Variants in CNTNAP2 observed in about 807,000 individuals in gnomAD.
The protein encoded by CNTNAP2 is contactin associated protein 2.
A neutral mutation model predicts 155.2 loss-of-function variants in CNTNAP2; 98 were observed. The observed-to-expected ratio is 0.63, with a 90% CI of 0.54 to 0.75. The LOEUF is 0.75. Ranked by LOEUF, CNTNAP2 falls within the 30% of genes least tolerant of loss-of-function variation. The pLI, the probability that CNTNAP2 is intolerant of heterozygous loss-of-function variation, is 0.00. For missense variants in CNTNAP2, 1,727 were observed against 1,688.1 expected (o/e 1.02, Z -0.40); for synonymous variants, 651 against 631.2 (o/e 1.03, Z -0.47).
chr7:148,106,493 G>GAT (rs10532740), intron 15 of CNTNAP2, among the ~76,000 whole-genome samples: 1,559 of 124,868 alleles, frequency 0.012, 25 homozygotes, highest in African/African-American at 0.022. Flanking sequence ...CACACTTTGA[G>GAT]ATATATATAT....
chr7:148,288,400 C>T (rs904033811), intron 21 of CNTNAP2, among the ~76,000 whole-genome samples: 7 of 152,082 alleles, frequency 4.6e-5, no homozygotes, highest in African/African-American at 1.2e-4. Flanking sequence ...CGCCCCGCCT[C>T]TCTTCCTCTT....
intron 13 of CNTNAP2, among the ~76,000 whole-genome samples, chr7:147,676,346 G>GGCAA (rs1176056461): frequency 1.3e-5 from 2 of 151,840 alleles, no homozygotes; most frequent in Non-Finnish European, 2.9e-5. Context: ...CAGTAACCAT[G>GGCAA]GCAACACAAA....
At chr7:148,070,162 A>G (rs1412270972) in intron 15 of CNTNAP2, among the ~76,000 whole-genome samples, 1 of 152,252 alleles carries the variant, frequency 6.6e-6, no homozygotes, top group African/African-American at 2.4e-5. Context: ...AGTCCACAAC[A>G]TAATAAAAGT....
intron 15 of CNTNAP2, among the ~76,000 whole-genome samples, chr7:148,048,984 G>C (rs2116491331): frequency 6.6e-6 from 1 of 152,310 alleles, no homozygotes; most frequent in South Asian, 2.1e-4. Context: ...GGCCGAGGCT[G>C]GTGGATCACC....
At chr7:147,013,239 A>G (rs1321090159) in intron 3 of CNTNAP2, among the ~76,000 whole-genome samples, 2 of 152,110 alleles carry the variant, frequency 1.3e-5, no homozygotes, top group African/African-American at 4.8e-5. Context: ...CCATTTTGCT[A>G]GTCACTGAGA....
At chr7:147,301,065 C>T (rs1025158607) in intron 9 of CNTNAP2, among the ~76,000 whole-genome samples, 1 of 152,086 alleles carries the variant, frequency 6.6e-6, no homozygotes, top group Non-Finnish European at 1.5e-5. Flanking sequence ...ATCCCGTCCA[C>T]AGTTAAAGGA....
intron 1 of CNTNAP2, among the ~76,000 whole-genome samples, chr7:146,286,020 GTGTC>G (rs1480935789): frequency 2.9e-5 from 3 of 105,018 alleles, no homozygotes; most frequent in African/African-American, 4.0e-5. Context: ...GTGTGTGTGT[GTGTC>G]TCTGCCTGTC....
chr7:146,451,317 A>G (rs1477861436), intron 1 of CNTNAP2, among the ~76,000 whole-genome samples: 1 of 152,166 alleles, frequency 6.6e-6, no homozygotes, highest in Non-Finnish European at 1.5e-5. Context: ...TAGAGAATCT[A>G]TGCCCAATAA....
At chr7:146,992,991 G>A (rs1393526854) in intron 3 of CNTNAP2, among the ~76,000 whole-genome samples, 1 of 152,190 alleles carries the variant, frequency 6.6e-6, no homozygotes, top group African/African-American at 2.4e-5. Context: ...GTTACCAGCA[G>A]TGAATCCGTA....
At chr7:148,409,965 G>T (rs369505461) in intron 23 of CNTNAP2, among the ~76,000 whole-genome samples, 1 of 88,928 alleles carries the variant, frequency 1.1e-5, no homozygotes, top group Non-Finnish European at 2.4e-5. Context: ...GCAGGAGAAT[G>T]GCGTGAACCT....
Position 148,357,236 on chromosome 7 carries a change from G to A in CNTNAP2, c.3476-26413G>A, listed in dbSNP as rs1321321640. Among the ~76,000 whole-genome samples the A allele has an allele frequency of 3.3e-5, 5 of 152,248 alleles. No homozygotes were observed. The South Asian group carries it at 6.2e-4, about 19-fold the overall frequency. ...AGATCTGATGGTTTTATAAAGGGGA[G>A]TTCCCCTGCATGAGCTCTCTTGCCT... On this transcript the variant is annotated intron_variant, in intron 21 of 23. Coordinates refer to ENST00000361727, the MANE Select transcript of CNTNAP2 (RefSeq NM_014141.6).
intron 21 of CNTNAP2, among the ~76,000 whole-genome samples, chr7:148,286,439 G>A (rs1797083703): frequency 6.6e-6 from 1 of 152,108 alleles, no homozygotes; most frequent in Non-Finnish European, 1.5e-5. Context: ...TATGGGAAGT[G>A]CATTAGGAAG....
At chr7:147,078,796 C>G (rs1232542566) in intron 4 of CNTNAP2, among the ~76,000 whole-genome samples, 1 of 151,460 alleles carries the variant, frequency 6.6e-6, no homozygotes, top group Non-Finnish European at 1.5e-5. Context: ...GTCCCCCAGG[C>G]TGGAGTGCAG....
chr7:148,405,603 A>ATTT (rs535094195), intron 22 of CNTNAP2, among the ~76,000 whole-genome samples: 752 of 36,846 alleles, frequency 0.02, 116 homozygotes, highest in Middle Eastern at 0.029. Context: ...TGCACAGCTA[A>ATTT]TTTTTTTTTT....
At chr7:147,575,239 T>TTG (rs1197111546) in intron 12 of CNTNAP2, among the ~76,000 whole-genome samples, 248 of 14,994 alleles carry the variant, frequency 0.017, 14 homozygotes, top group African/African-American at 0.066. Context: ...ATGTGTGTGT[T>TTG]TGTGTGTGTG....
intron 1 of CNTNAP2, among the ~76,000 whole-genome samples, chr7:146,397,430 T>C (rs927868952): frequency 7.2e-5 from 11 of 152,136 alleles, no homozygotes; most frequent in African/African-American, 2.2e-4. Flanking sequence ...ATTCAAAGGG[T>C]TATTTGTTAT....
At chr7:146,925,454 AAAC>A (rs1796588277) in intron 3 of CNTNAP2, among the ~76,000 whole-genome samples, 1 of 152,116 alleles carries the variant, frequency 6.6e-6, no homozygotes, top group African/African-American at 2.4e-5. Context: ...AATGTAGTGG[AAAC>A]ATCCAAATAG....
intron 12 of CNTNAP2, among the ~76,000 whole-genome samples, chr7:147,577,367 G>A (rs1800414652): frequency 1.3e-5 from 2 of 152,104 alleles, no homozygotes; most frequent in Admixed American, 6.6e-5. Context: ...TTGACATGAC[G>A]CTAAGCACAT....
chr7:148,180,930 G>C (rs777531465), intron 18 of CNTNAP2, among the ~76,000 whole-genome samples: 1 of 152,154 alleles, frequency 6.6e-6, no homozygotes, highest in Non-Finnish European at 1.5e-5. Context: ...CCTCAATGTG[G>C]GAAGGCATTA....
Sources: gnomAD v4.1 joint callset for allele counts (sites outside exome capture counted in the v4.1 genomes callset) on GRCh38, gnomAD v4.1.1 for gene constraint, MANE v1.5 for transcripts, NCBI Gene and HGNC (gene_info 2026-07-23, HGNC 2026-07-21) for gene names.